Variants in POLR3E observed in about 807,000 individuals in gnomAD.
POLR3E encodes the protein RNA polymerase III subunit E.
Under a neutral mutation model 96.6 loss-of-function variants are expected in POLR3E, and 41 were observed. The observed-to-expected ratio is 0.42, with a 90% CI of 0.33 to 0.55. The LOEUF is 0.55. POLR3E is among the 20% of genes least tolerant of loss of function. The pLI is 0.06. For synonymous variants in POLR3E, 396 were observed against 383.6 expected, an observed-to-expected ratio of 1.03 and a Z score of -0.38; for missense variants, 849 against 952.1, an observed-to-expected ratio of 0.89 and a Z score of 1.43.
At position 22,326,191 on chromosome 16, in the gene POLR3E, C is replaced by T. The variant is rs746739413; in HGVS notation, c.1779C>T (p.Pro593=). Reference sequence around the variant, plus strand: ...TCAATCTGCACTTGGCCAGCCTGCCCCCCGGCCACACACTCTTCAGCGGCA... The same window carrying T: ...TCAATCTGCACTTGGCCAGCCTGCCTCCCGGCCACACACTCTTCAGCGGCA... ...RLFNLHLASL[P]PGHTLFSGIS... The change falls in exon 18 of 21, where the codon CCC becomes CCT. Residue 593 remains proline, a synonymous_variant. Transcript: ENST00000299853. The T allele has an allele frequency of 4.3e-6, 7 of 1,613,908 alleles. No homozygotes were observed. Among genetic ancestry groups the T allele is most frequent in the African/African-American group, 4.0e-5 (3 of 74,934 alleles).
At chr16:22,321,563 T>G (rs946963214) in intron 13 of POLR3E, among the ~76,000 whole-genome samples, 4 of 152,228 alleles carry the variant, frequency 2.6e-5, no homozygotes, top group Non-Finnish European at 4.4e-5. Context: ...CATAAGTGAA[T>G]GAAAGCCAAG....
At position 22,325,849 on chromosome 16, in the gene POLR3E, G is replaced by A. The variant is rs376162358; in HGVS notation, c.1437G>A (p.Leu479=). The A allele has an allele frequency of 6.2e-7, 1 of 1,612,098 alleles. No homozygotes were observed. Among genetic ancestry groups the A allele is most frequent in the Non-Finnish European group, 8.5e-7 (1 of 1,179,480 alleles). The change falls in exon 18 of 21, where the codon CTG becomes CTA. Residue 479 remains leucine, a synonymous_variant. Transcript: ENST00000299853. ...QQNHALLERE[L]QRRKEQLRVP... ...ACCACGCGTTGCTGGAGCGGGAGCT[G>A]CAGCGGCGGAAGGAGCAGCTGCGGG...
intron 19 of POLR3E, among the ~76,000 whole-genome samples, chr16:22,329,952 T>TA (rs544204575): frequency 0.022 from 3,297 of 147,122 alleles, 48 homozygotes; most frequent in Middle Eastern, 0.036. Flanking sequence ...TGCCCCCATT[T>TA]AAAAAAAAAA....
At chr16:22,303,775 G>A (rs1598235110) in intron 2 of POLR3E, among the ~76,000 whole-genome samples, 2 of 150,822 alleles carry the variant, frequency 1.3e-5, no homozygotes, top group Admixed American at 1.3e-4. Flanking sequence ...TGAGTAGCTG[G>A]GATCACAGGT....
intron 2 of POLR3E, 108 bp downstream of exon 2, chr16:22,303,112 T>G: frequency 9.7e-7 from 1 of 1,030,146 alleles, no homozygotes; most frequent in Non-Finnish European, 1.5e-6. Flanking sequence ...CTGGGACCCC[T>G]AACCCTTGCT....
chr16:22,308,232 C>A lies in POLR3E; in HGVS notation c.165+7C>A. 1 of 1,610,930 alleles carries A rather than the reference C, an allele frequency of 6.2e-7. No individual in the cohort carries two copies. The highest frequency in any genetic ancestry group is 8.5e-7 in the Non-Finnish European group (1 of 1,177,162). On this transcript the variant is annotated splice_region_variant and intron_variant, in intron 4 of 20. Transcript: ENST00000299853. The stretch of plus-strand genomic sequence containing the variant: ...CAAGCCCAAGCAGCAGAAGGTGGGG[C>A]TGCCCCCTGAGGGCAGTTGGGGCCG...
chr16:22,325,690 G>A, intron 17 of POLR3E, 71 bp from the exon 18 acceptor site: 8 of 1,480,028 alleles, frequency 5.4e-6, no homozygotes, highest in South Asian at 1.4e-5. Flanking sequence ...CTGCAGCCCC[G>A]CGGTCCCCTG....
At chr16:22,331,898 T>C in intron 19 of POLR3E, 162 bp from the exon 20 acceptor site, 1 of 641,822 alleles carries the variant, frequency 1.6e-6, no homozygotes, top group Non-Finnish European at 2.7e-6. Flanking sequence ...TCTTGCTGGG[T>C]CTCTAGAGAT....
Position 22,317,229 on chromosome 16 carries a change from C to G in POLR3E, c.865+23C>G, listed in dbSNP as rs150516761. 460 of 1,578,452 alleles carry G rather than the reference C, an allele frequency of 2.9e-4. 2 individuals are homozygous for G. The African/African-American group carries it at 3.8e-3, about 13-fold the overall frequency. On this transcript the variant is annotated intron_variant, in intron 12 of 20. Transcript: ENST00000299853. ...ATGGTGGGTGCCTACCCCCTGCCCACCCGGGGGCCCCAGTCCCAGTGGCTC... is the reference window on the plus strand; with the variant it reads ...ATGGTGGGTGCCTACCCCCTGCCCAGCCGGGGGCCCCAGTCCCAGTGGCTC...
Position 22,299,457 on chromosome 16 carries a change from A to G in POLR3E, c.-39+1920A>G, listed in dbSNP as rs371972529. Among the ~76,000 whole-genome samples the G allele has an allele frequency of 9.7e-4, 132 of 136,174 alleles. 3 individuals are homozygous for G. In the South Asian group the frequency reaches 0.025, roughly 26 times the overall value. The allele number at this position is 136,174 out of a possible 152,430, so 89.3% of individuals were successfully genotyped here. ...GAGATGGAGTCTTGTTCCGTTGCCCAGACTAGAGTGCAGTGGCAAGATCTC... is the reference window on the plus strand; with the variant it reads ...GAGATGGAGTCTTGTTCCGTTGCCCGGACTAGAGTGCAGTGGCAAGATCTC... On this transcript the variant is annotated intron_variant, in intron 1 of 20. Coordinates refer to ENST00000299853, the MANE Select transcript of POLR3E (RefSeq NM_018119.4).
rs150430139 is a variant in POLR3E, at chr16:22,319,043, C to T, written c.986+97C>T. On this transcript the variant is annotated intron_variant, in intron 13 of 20. Transcript: ENST00000299853. The stretch of plus-strand genomic sequence containing the variant: ...AGGCTGGTGTGTAGTGGCGCAATCT[C>T]GGCTCACTGTAACTTCTCCCTCCCA... 758 of 857,148 alleles carry T rather than the reference C, an allele frequency of 8.8e-4. 6 individuals carry two copies. The African/African-American group carries it at 0.012, about 13-fold the overall frequency. 53.1% of individuals were successfully genotyped at this position (857,148 alleles called of 1,614,324 possible).
chr16:22,317,239 C>T (rs753436832), intron 12 of POLR3E, 33 bp downstream of exon 12: 16 of 1,489,202 alleles, frequency 1.1e-5, no homozygotes, highest in Non-Finnish European at 2.8e-6. Context: ...CCCGGGGGCC[C>T]CAGTCCCAGT....
Position 22,332,204 on chromosome 16 carries a change from TAACA to T in POLR3E, c.2070+25_2070+28del, listed in dbSNP as rs751263051. On this transcript the variant is annotated intron_variant, in intron 20 of 20. Coordinates refer to ENST00000299853, the MANE Select transcript of POLR3E (RefSeq NM_018119.4). ...ACTAAAGGTACATCCATTTTGTGCA[TAACA>T]AACAATATCAAAGGCTCTGGAAGGG... 125 of 1,606,960 alleles carry T rather than the reference TAACA, an allele frequency of 7.8e-5. No homozygotes were observed. The Middle Eastern group carries it at 1.0e-3, about 13-fold the overall frequency.
rs1048567971 is a variant in POLR3E, at chr16:22,333,900, C to CCCAGAAGA, written c.*201_*208dup. The CCCAGAAGA allele has an allele frequency of 3.1e-5, 15 of 485,422 alleles. No individual in the cohort carries two copies. The Admixed American group carries it at 4.2e-4, about 13-fold the overall frequency. The allele number at this position is 485,422 out of a possible 1,614,324, so 30.1% of individuals were successfully genotyped here. ...GTCAGCTTAAGTTAGTTAGATCACT[C>CCCAGAAGA]CCAGAAGAGACCAGCTGGGACCTTC... On this transcript the variant is annotated 3_prime_UTR_variant, in exon 21 of 21. Coordinates refer to ENST00000299853, the MANE Select transcript of POLR3E (RefSeq NM_018119.4).
chr16:22,330,519 T>G (rs1248160675), intron 19 of POLR3E, among the ~76,000 whole-genome samples: 1 of 152,236 alleles, frequency 6.6e-6, no homozygotes, highest in African/African-American at 2.4e-5. Flanking sequence ...TGTTTTCACT[T>G]GTGTAATTTT....
At chr16:22,302,886 TTGGTTGAACGACTGA>T in intron 1 of POLR3E, 30 bp from the exon 2 acceptor site, 1 of 1,303,178 alleles carries the variant, frequency 7.7e-7, no homozygotes. Context: ...CAAGGAAATG[TTGGTTGAACGACTGA>T]TGGTCCCAGT....
chr16:22,328,698 C>T (rs1441309647), intron 19 of POLR3E, 111 bp downstream of exon 19: 2 of 838,200 alleles, frequency 2.4e-6, no homozygotes, highest in African/African-American at 3.3e-5. Context: ...TTCAGATTTT[C>T]TGGCACACTC....
Position 22,318,678 on chromosome 16 carries a change from T to A in POLR3E, c.866-148T>A. 1.4e-6 allele frequency: 1 copy of A among 724,252 alleles called. No homozygotes were observed. Among genetic ancestry groups the A allele is most frequent in the South Asian group, 1.8e-5 (1 of 54,508 alleles). The allele number at this position is 724,252 out of a possible 1,614,324, so 44.9% of individuals were successfully genotyped here. On this transcript the variant is annotated intron_variant, in intron 12 of 20. Coordinates refer to ENST00000299853, the MANE Select transcript of POLR3E (RefSeq NM_018119.4). This position sits in a 1 kb window ranked among gnomAD's most constrained non-coding sequence, Gnocchi z 5.0. ...GCATGTAGTGAGCAGCCTGAGAGTGTCAGCTGTTGGCTATGATGGGTGTCA... is the reference window on the plus strand; with the variant it reads ...GCATGTAGTGAGCAGCCTGAGAGTGACAGCTGTTGGCTATGATGGGTGTCA...
intron 19 of POLR3E, 191 bp from the exon 20 acceptor site, chr16:22,331,869 T>A (rs1296622852): frequency 1.8e-6 from 1 of 541,420 alleles, no homozygotes; most frequent in Non-Finnish European, 3.3e-6. Flanking sequence ...TACTTTTGTG[T>A]TTTTATTTCT....
Sources: gnomAD v4.1 joint callset for allele counts (sites outside exome capture counted in the v4.1 genomes callset) on GRCh38, gnomAD v4.1.1 for gene constraint, Gnocchi (gnomAD v3.1) non-coding constraint, MANE v1.5 for transcripts, NCBI Gene and HGNC (gene_info 2026-07-23, HGNC 2026-07-21) for gene names.